Variants in HMGCLL1 observed in about 807,000 individuals in gnomAD.
HMGCLL1 encodes the protein 3-hydroxymethyl-3-methylglutaryl-CoA lyase, cytoplasmic.
In HMGCLL1, 36 loss-of-function variants were observed where a neutral mutation model predicts 39.1. The observed-to-expected ratio is 0.92, with a 90% CI of 0.71 to 1.22. The LOEUF (loss-of-function observed/expected upper bound fraction) is 1.22. Among genes scored for constraint, HMGCLL1 ranks in the 50% most tolerant of loss-of-function variants. The pLI is 0.00. For synonymous variants in HMGCLL1, 149 were observed against 144.0 expected, an observed-to-expected ratio of 1.03 and a Z score of -0.25; for missense variants, 451 against 416.5, an observed-to-expected ratio of 1.08 and a Z score of -0.72.
intron 7 of HMGCLL1, among the ~76,000 whole-genome samples, chr6:55,477,290 TA>T (rs1174679720): frequency 1.9e-4 from 2 of 10,566 alleles, no homozygotes; most frequent in Non-Finnish European, 2.5e-4. Context: ...ATATTATATA[TA>T]AAATAATATA....
chr6:55,455,355 A>G (rs1764277984), intron 7 of HMGCLL1, among the ~76,000 whole-genome samples: 1 of 145,574 alleles, frequency 6.9e-6, no homozygotes, highest in South Asian at 2.3e-4. Flanking sequence ...GGCTGTGAAT[A>G]TATAAAATAA....
chr6:55,658,372 C>G, the HMGCLL1 span, among the ~76,000 whole-genome samples: 1 of 151,876 alleles, frequency 6.6e-6, no homozygotes, highest in South Asian at 2.1e-4. Context: ...CATCTCTGAT[C>G]CTAAATTGAA....
chr6:55,477,244 T>G (rs1333132692), intron 7 of HMGCLL1, among the ~76,000 whole-genome samples: 9 of 20,308 alleles, frequency 4.4e-4, no homozygotes, highest in Admixed American at 2.6e-3. Flanking sequence ...ATTATATTTA[T>G]ATAATATATA....
rs182372028 is a variant in HMGCLL1, at chr6:55,507,516, T to C, written c.542+6532A>G. ...TTCATGTTCCATTTATGATGACTTA[T>C]ATTGTTTGTTTTTTAGAAGAGATTT... On this transcript the variant is annotated intron_variant, in intron 5 of 8. Transcript: ENST00000274901. Among the ~76,000 whole-genome samples, 19 of 151,952 alleles carry C rather than the reference T, an allele frequency of 1.3e-4. No individual in the cohort carries two copies. In the East Asian group the frequency reaches 3.5e-3, roughly 28 times the overall value.
chr6:55,647,764 ATTTTAT>A, the HMGCLL1 span, among the ~76,000 whole-genome samples: 6 of 76,122 alleles, frequency 7.9e-5, no homozygotes, highest in South Asian at 7.6e-4. Context: ...TTTTTATTTT[ATTTTAT>A]TTTTTTTTTT....
intron 7 of HMGCLL1, among the ~76,000 whole-genome samples, chr6:55,483,791 T>TA (rs1261504796): frequency 6.6e-6 from 1 of 152,152 alleles, no homozygotes; most frequent in Non-Finnish European, 1.5e-5. Flanking sequence ...TTTTTAAAAA[T>TA]AAAAAGTTAC....
chr6:55,597,330 G>C, the HMGCLL1 span, among the ~76,000 whole-genome samples: 4 of 151,966 alleles, frequency 2.6e-5, no homozygotes, highest in African/African-American at 9.7e-5. Flanking sequence ...TTCATCATAA[G>C]AGTGCTAAAG....
intron 7 of HMGCLL1, among the ~76,000 whole-genome samples, chr6:55,486,701 G>A (rs1411653039): frequency 6.6e-6 from 1 of 151,992 alleles, no homozygotes; most frequent in Admixed American, 6.6e-5. Flanking sequence ...GCTTCTGCAT[G>A]GGAATAACCT....
At chr6:55,448,308 A>C (rs1215891770) in intron 7 of HMGCLL1, among the ~76,000 whole-genome samples, 3 of 149,852 alleles carry the variant, frequency 2.0e-5, no homozygotes, top group Non-Finnish European at 4.4e-5. Context: ...TGTATAATAC[A>C]ATATTATATA....
chr6:55,460,915 G>T (rs1764532239), intron 7 of HMGCLL1, among the ~76,000 whole-genome samples: 2 of 151,846 alleles, frequency 1.3e-5, no homozygotes, highest in Admixed American at 6.6e-5. Flanking sequence ...TAGCAACAAT[G>T]AAATATTTAA....
intron 7 of HMGCLL1, among the ~76,000 whole-genome samples, chr6:55,469,594 A>T (rs926169522): frequency 4.0e-5 from 6 of 151,260 alleles, no homozygotes; most frequent in African/African-American, 1.5e-4. Context: ...CAAGGATGAG[A>T]GTTAGCGAAG....
At chr6:55,663,441 A>G in the HMGCLL1 span, among the ~76,000 whole-genome samples, 3 of 151,872 alleles carry the variant, frequency 2.0e-5, no homozygotes, top group Non-Finnish European at 2.9e-5. Context: ...TCCATTATTT[A>G]CCCAAAAGTC....
At chr6:55,456,655 G>T (rs1764335157) in intron 7 of HMGCLL1, among the ~76,000 whole-genome samples, 1 of 152,114 alleles carries the variant, frequency 6.6e-6, no homozygotes, top group Non-Finnish European at 1.5e-5. Flanking sequence ...ACAGCTTTGG[G>T]TGGTATCTCA....
At chr6:55,546,267 A>G (rs2127461708) in intron 1 of HMGCLL1, among the ~76,000 whole-genome samples, 1 of 152,234 alleles carries the variant, frequency 6.6e-6, no homozygotes, top group East Asian at 1.9e-4. Flanking sequence ...TCATCTACTC[A>G]AGAGACTTCT....
At chr6:55,510,703 A>C (rs1767412817) in intron 5 of HMGCLL1, among the ~76,000 whole-genome samples, 1 of 150,520 alleles carries the variant, frequency 6.6e-6, no homozygotes, top group Non-Finnish European at 1.5e-5. Context: ...ATGATGAGTT[A>C]ATGGGTGCAG....
intron 1 of HMGCLL1, among the ~76,000 whole-genome samples, chr6:55,548,021 A>G (rs2127462713): frequency 6.6e-6 from 1 of 152,162 alleles, no homozygotes; most frequent in East Asian, 1.9e-4. Context: ...CCTATGTGCC[A>G]ACGTTGATTC....
the HMGCLL1 span, among the ~76,000 whole-genome samples, chr6:55,631,880 CA>C: frequency 2.0e-5 from 3 of 152,054 alleles, no homozygotes; most frequent in Admixed American, 6.6e-5. Flanking sequence ...AATGTAGTCT[CA>C]AAACCCTGCA....
chr6:55,472,291 C>T (rs1765082123), intron 7 of HMGCLL1, among the ~76,000 whole-genome samples: 1 of 151,608 alleles, frequency 6.6e-6, no homozygotes, highest in South Asian at 2.1e-4. Context: ...CTTTGTACCT[C>T]AGACTTTATC....
intron 7 of HMGCLL1, among the ~76,000 whole-genome samples, chr6:55,480,026 A>G (rs116425171): frequency 6.6e-5 from 10 of 151,748 alleles, no homozygotes; most frequent in African/African-American, 2.2e-4. Flanking sequence ...GAGTTTCCCC[A>G]ATGTTTCTTT....
Sources: gnomAD v4.1 joint callset for allele counts (sites outside exome capture counted in the v4.1 genomes callset) on GRCh38, gnomAD v4.1.1 for gene constraint, MANE v1.5 for transcripts, NCBI Gene and HGNC (gene_info 2026-07-23, HGNC 2026-07-21) for gene names.